The following XKRX variants were observed in gnomAD, a reference collection of about 807,000 sequenced individuals.
The protein encoded by XKRX is XK related X-linked.
Under a neutral mutation model 22.4 loss-of-function variants are expected in XKRX, and 11 were observed. That is an observed-to-expected ratio of 0.49 (90% CI 0.31 to 0.81). The LOEUF (loss-of-function observed/expected upper bound fraction) is 0.81. Among genes scored for constraint, XKRX ranks in the 40% least tolerant of loss-of-function variants. The pLI is 0.05. For synonymous variants in XKRX, 114 were observed against 132.2 expected, an observed-to-expected ratio of 0.86 and a Z score of 0.94; for missense variants, 320 against 336.5, an observed-to-expected ratio of 0.95 and a Z score of 0.38.
the XKRX span, among the ~76,000 whole-genome samples, chrX:100,958,555 A>G: frequency 8.9e-6 from 1 of 112,416 alleles, no homozygotes; most frequent in African/African-American, 3.2e-5. Context: ...GAGAAAAAGC[A>G]AATGGTATAC....
chrX:100,891,874 A>C, the XKRX span, among the ~76,000 whole-genome samples: 4 of 111,546 alleles, frequency 3.6e-5, no homozygotes, highest in South Asian at 1.5e-3. Context: ...CCCTTATCTT[A>C]TACTATATTA....
At chrX:100,936,871 C>T in the XKRX span, among the ~76,000 whole-genome samples, 1 of 109,539 alleles carries the variant, frequency 9.1e-6, no homozygotes, top group Non-Finnish European at 1.9e-5. Flanking sequence ...CTGGTCCCCC[C>T]ACCCCCCACA....
chrX:100,955,737 T>C, the XKRX span, among the ~76,000 whole-genome samples: 1 of 112,144 alleles, frequency 8.9e-6, no homozygotes, highest in Non-Finnish European at 1.9e-5. Context: ...GATATGAATG[T>C]TTATAGCAGC....
At chrX:100,920,180 T>TC (rs397515668) in intron 2 of XKRX, among the ~76,000 whole-genome samples, 1 of 109,643 alleles carries the variant, frequency 9.1e-6, no homozygotes, top group Non-Finnish European at 1.9e-5. Context: ...CCTTTTTTTT[T>TC]CCTTTTTGAG....
the XKRX span, among the ~76,000 whole-genome samples, chrX:100,945,330 G>C: frequency 9.1e-6 from 1 of 110,019 alleles, no homozygotes; most frequent in Admixed American, 9.7e-5. Flanking sequence ...TTTTGCCCAG[G>C]CTGGTCTCAA....
chrX:100,917,678 G>GAAAGA (rs1569454738), intron 2 of XKRX, among the ~76,000 whole-genome samples: 16 of 69,619 alleles, frequency 2.3e-4, no homozygotes, highest in African/African-American at 7.7e-4. Flanking sequence ...AGAAAGAAAA[G>GAAAGA]AAAGAAAGAA....
the XKRX span, among the ~76,000 whole-genome samples, chrX:100,949,716 T>A: frequency 3.6e-5 from 4 of 111,286 alleles, no homozygotes; most frequent in African/African-American, 6.5e-5. Flanking sequence ...ATGTCAAAAA[T>A]ACAATAGAAA....
At chrX:100,957,316 G>T in the XKRX span, 2 of 1,064,042 alleles carry the variant, frequency 1.9e-6, no homozygotes, top group Non-Finnish European at 2.6e-6. Flanking sequence ...TACTTACATG[G>T]TGACCTCATT....
At chrX:100,912,856 G>A (rs953108449), downstream of XKRX, among the ~76,000 whole-genome samples, 1 of 111,647 alleles carries the variant, frequency 9.0e-6, no homozygotes, top group Non-Finnish European at 1.9e-5. Flanking sequence ...CGTCCACTGG[G>A]GGTATAGGAA....
the XKRX span, among the ~76,000 whole-genome samples, chrX:100,945,247 TAC>T: frequency 0.018 from 980 of 55,195 alleles, 7 homozygotes; most frequent in African/African-American, 0.034. Flanking sequence ...ACCTGGGTGA[TAC>T]ACACACACAC....
At chrX:100,935,977 G>A in the XKRX span, among the ~76,000 whole-genome samples, 1 of 110,180 alleles carries the variant, frequency 9.1e-6, no homozygotes, top group Non-Finnish European at 1.9e-5. Context: ...ATGTAGTCCA[G>A]GGAGAGTCCC....
At chrX:100,938,509 A>T in the XKRX span, among the ~76,000 whole-genome samples, 1 of 110,930 alleles carries the variant, frequency 9.0e-6, no homozygotes, top group African/African-American at 3.3e-5. Flanking sequence ...TGCTCCTGTA[A>T]TCCCAACTAC....
intron 2 of XKRX, among the ~76,000 whole-genome samples, chrX:100,918,780 T>G (rs1430180455): frequency 9.0e-6 from 1 of 111,452 alleles, no homozygotes; most frequent in Non-Finnish European, 1.9e-5. Context: ...TCTTTCTTCT[T>G]CTTCCTTCTT....
chrX:100,908,983 T>C (rs1259664560), downstream of XKRX, among the ~76,000 whole-genome samples: 2 of 111,672 alleles, frequency 1.8e-5, no homozygotes, highest in African/African-American at 6.5e-5. Context: ...GAAGTCAGCT[T>C]CCTAGCAGGA....
chrX:100,935,421 G>A, the XKRX span, among the ~76,000 whole-genome samples: 1 of 111,726 alleles, frequency 9.0e-6, no homozygotes, highest in Non-Finnish European at 1.9e-5. Flanking sequence ...GTGCCTTTCA[G>A]TTCTCCCAGC....
At chrX:100,957,455 C>A in the XKRX span, 17 of 1,190,686 alleles carry the variant, frequency 1.4e-5, no homozygotes, top group Non-Finnish European at 1.9e-5. Context: ...CTCGCTCCCA[C>A]CTGGGAATGC....
At chrX:100,940,280 T>G in the XKRX span, among the ~76,000 whole-genome samples, 2 of 111,900 alleles carry the variant, frequency 1.8e-5, no homozygotes, top group Non-Finnish European at 3.8e-5. Flanking sequence ...TGAAAACTTG[T>G]CTAAGCTAAA....
downstream of XKRX, chrX:100,911,461 T>C: frequency 1.1e-6 from 1 of 880,182 alleles, no homozygotes; most frequent in Non-Finnish European, 1.7e-6. Context: ...CTGAAAATGA[T>C]GGATGCATAA....
chrX:100,893,543 C>G, the XKRX span, among the ~76,000 whole-genome samples: 13 of 111,990 alleles, frequency 1.2e-4, no homozygotes, highest in African/African-American at 4.2e-4. Flanking sequence ...TGTGCAATAG[C>G]AAAGACATGG....
Sources: gnomAD v4.1 joint callset for allele counts (sites outside exome capture counted in the v4.1 genomes callset) on GRCh38, gnomAD v4.1.1 for gene constraint, MANE v1.5 for transcripts, NCBI Gene and HGNC (gene_info 2026-07-23, HGNC 2026-07-21) for gene names.